COL4A1: variants seen among roughly 807,000 people sequenced by gnomAD.
The protein encoded by COL4A1 is collagen type IV alpha 1 chain.
COL4A1 carries 40 observed loss-of-function variants against 216.6 expected under a neutral mutation model. That is an observed-to-expected ratio of 0.18 (90% CI 0.14 to 0.24). The LOEUF is 0.24. COL4A1 is among the 10% of genes least tolerant of loss of function. COL4A1 has a pLI of 1.00. For missense variants in COL4A1, 1,628 were observed against 2,196.8 expected (o/e 0.74, Z 5.18); for synonymous variants, 839 against 810.7 (o/e 1.03, Z -0.59).
chr13:110,304,988 T>A (rs1884628199), intron 1 of COL4A1, among the ~76,000 whole-genome samples: 1 of 152,230 alleles, frequency 6.6e-6, no homozygotes, highest in Non-Finnish European at 1.5e-5. Context: ...TTATGGTACA[T>A]CTAACAGCTG....
At chr13:110,266,973 A>G (rs1345010015) in intron 1 of COL4A1, among the ~76,000 whole-genome samples, 1 of 152,252 alleles carries the variant, frequency 6.6e-6, no homozygotes, top group Non-Finnish European at 1.5e-5. Flanking sequence ...AGAAAATTTG[A>G]AAGGAATCCA....
intron 1 of COL4A1, among the ~76,000 whole-genome samples, chr13:110,253,689 C>T (rs1162171445): frequency 1.7e-5 from 2 of 118,054 alleles, no homozygotes; most frequent in African/African-American, 5.7e-5. Flanking sequence ...ATTACATATA[C>T]ATATAATTAT....
At chr13:110,266,421 G>T (rs1883038209) in intron 1 of COL4A1, among the ~76,000 whole-genome samples, 1 of 152,172 alleles carries the variant, frequency 6.6e-6, no homozygotes, top group Non-Finnish European at 1.5e-5. Context: ...CCAACCCCCG[G>T]TCCTCCAGCC....
intron 1 of COL4A1, among the ~76,000 whole-genome samples, chr13:110,281,518 G>A (rs991946043): frequency 4.6e-5 from 7 of 152,076 alleles, no homozygotes; most frequent in Non-Finnish European, 1.0e-4. Context: ...CTGCAATATA[G>A]AGAGAAAATG....
intron 1 of COL4A1, among the ~76,000 whole-genome samples, chr13:110,275,072 C>G (rs368983646): frequency 6.6e-5 from 10 of 152,194 alleles, no homozygotes; most frequent in Middle Eastern, 3.2e-3. Context: ...AGCTGGACTT[C>G]ATTAACATCA....
intron 43 of COL4A1, among the ~76,000 whole-genome samples, chr13:110,168,835 GAC>G (rs367941379): frequency 3.3e-4 from 51 of 152,246 alleles, no homozygotes; most frequent in African/African-American, 1.1e-3. Flanking sequence ...GTTAGAGAGA[GAC>G]AGAGAGACAG....
chr13:110,204,062 T>C (rs1879375858), intron 17 of COL4A1, among the ~76,000 whole-genome samples: 1 of 152,246 alleles, frequency 6.6e-6, no homozygotes, highest in Non-Finnish European at 1.5e-5. Context: ...CAAATTTGCA[T>C]TGGAGGTCAT....
chr13:110,231,365 A>T (rs1333121558), intron 2 of COL4A1, among the ~76,000 whole-genome samples: 1 of 152,170 alleles, frequency 6.6e-6, no homozygotes, highest in Non-Finnish European at 1.5e-5. Context: ...AATCGGGAAA[A>T]ACCTGACGTC....
chr13:110,243,672 C>T (rs193178771), intron 1 of COL4A1, among the ~76,000 whole-genome samples: 55 of 152,298 alleles, frequency 3.6e-4, no homozygotes, highest in Middle Eastern at 3.4e-3. Flanking sequence ...GAAATGAATC[C>T]AAGCCTGTGA....
At chr13:110,182,487 A>G (rs1878212650) in intron 28 of COL4A1, among the ~76,000 whole-genome samples, 1 of 152,110 alleles carries the variant, frequency 6.6e-6, no homozygotes, top group South Asian at 2.1e-4. Context: ...TACCTGAGGG[A>G]CAAGTAGACC....
chr13:110,245,563 A>C (rs1881762755), intron 1 of COL4A1, among the ~76,000 whole-genome samples: 1 of 152,216 alleles, frequency 6.6e-6, no homozygotes, highest in Non-Finnish European at 1.5e-5. Context: ...CAGGGATTTA[A>C]GGGATTGAAG....
intron 1 of COL4A1, among the ~76,000 whole-genome samples, chr13:110,299,372 G>A (rs2029765): frequency 0.91 from 138,402 of 152,296 alleles, 63,465 homozygotes; most frequent in East Asian, 0.98. Context: ...GTTGGACAAC[G>A]GCTGAAGGAG....
chr13:110,277,844 A>G (rs1171532017), intron 1 of COL4A1, among the ~76,000 whole-genome samples: 1 of 152,174 alleles, frequency 6.6e-6, no homozygotes, highest in Non-Finnish European at 1.5e-5. Context: ...TCAAACAAGC[A>G]ATTTCATTTT....
intron 2 of COL4A1, among the ~76,000 whole-genome samples, chr13:110,227,222 A>T (rs1365613920): frequency 1.3e-5 from 2 of 152,198 alleles, no homozygotes; most frequent in Non-Finnish European, 2.9e-5. Context: ...AGAAACTAAG[A>T]TGTGGAAACA....
rs1879579078 is a variant in COL4A1, at chr13:110,207,666, TACA to T, written c.694-180_694-178del. 6.6e-6 allele frequency among the ~76,000 whole-genome samples: 1 copy of T among 152,204 alleles called. No homozygotes were observed. Among genetic ancestry groups the T allele is most frequent in the Non-Finnish European group, 1.5e-5 (1 of 68,038 alleles). ...AAATCAAATTTCAATAGGAAGATGA[TACA>T]ACAAGTATCTAAACCCAGGAGGAGA... On this transcript the variant is annotated intron_variant, in intron 12 of 51. Coordinates refer to ENST00000375820, the MANE Select transcript of COL4A1 (RefSeq NM_001845.6). This position sits in a 1 kb window ranked among gnomAD's most constrained non-coding sequence, Gnocchi z 4.4.
chr13:110,305,227 T>A (rs895255978), intron 1 of COL4A1, among the ~76,000 whole-genome samples: 16 of 152,336 alleles, frequency 1.1e-4, no homozygotes, highest in African/African-American at 3.1e-4. Context: ...AAACAGTCCA[T>A]GGCACCTCAA....
In COL4A1 at chr13:110,209,491, C is replaced by T. The variant is rs13378447; in HGVS notation, c.616-64G>A. On this transcript the variant is annotated intron_variant, in intron 10 of 51. Coordinates refer to ENST00000375820, the MANE Select transcript of COL4A1 (RefSeq NM_001845.6). ...CTCTAGGGAGCTTTAAGCCCTTCTTCAGGCTGACGTTATCTTAAGATTCTC... is the reference window on the plus strand; with the variant it reads ...CTCTAGGGAGCTTTAAGCCCTTCTTTAGGCTGACGTTATCTTAAGATTCTC... 671 of 1,127,504 alleles carry T rather than the reference C, an allele frequency of 6.0e-4. 5 individuals are homozygous for T. In the African/African-American group the frequency reaches 8.7e-3, roughly 15 times the overall value. The allele number at this position is 1,127,504 out of a possible 1,614,324, so 69.8% of individuals were successfully genotyped here. A position where few individuals can be genotyped will look rare whatever the true frequency, so the allele number is the denominator to read the frequency against.
intron 50 of COL4A1, 91 bp downstream of exon 50, chr13:110,155,192 A>G: frequency 1.1e-6 from 1 of 898,228 alleles, no homozygotes; most frequent in Non-Finnish European, 1.9e-6. Flanking sequence ...AGATGCAGAG[A>G]ACTCCAAGGT....
rs529629733 is a variant in COL4A1 at position 110,206,728 on chromosome 13, A to C, written c.808-13T>G. On this transcript the variant is annotated splice_polypyrimidine_tract_variant and intron_variant, in intron 14 of 51. Transcript: ENST00000375820. ...CCCCTGGCATCCCCTTAAAGGAATAAAAAGACAAAGAGATTTATTCGTCTA... is the reference window on the plus strand; with the variant it reads ...CCCCTGGCATCCCCTTAAAGGAATACAAAGACAAAGAGATTTATTCGTCTA... The C allele has an allele frequency of 4.3e-6, 7 of 1,614,038 alleles. No homozygotes were observed. The African/African-American group carries it at 9.3e-5, about 22-fold the overall frequency.
Sources: gnomAD v4.1 joint callset for allele counts (sites outside exome capture counted in the v4.1 genomes callset) on GRCh38, gnomAD v4.1.1 for gene constraint, Gnocchi (gnomAD v3.1) non-coding constraint, MANE v1.5 for transcripts, NCBI Gene and HGNC (gene_info 2026-07-23, HGNC 2026-07-21) for gene names.